L3HYPDH: variants seen among roughly 807,000 people sequenced by gnomAD.
L3HYPDH encodes the protein trans-3-hydroxy-L-proline dehydratase.
A neutral mutation model predicts 26.5 loss-of-function variants in L3HYPDH; 32 were observed. That is an observed-to-expected ratio of 1.21 (90% CI 0.91 to 1.62). The LOEUF (loss-of-function observed/expected upper bound fraction) is 1.62. L3HYPDH is among the 40% of genes most tolerant of loss of function. L3HYPDH has a pLI of 0.00. For missense variants in L3HYPDH, 554 were observed against 476.4 expected (o/e 1.16, Z -1.52); for synonymous variants, 215 against 196.6 (o/e 1.09, Z -0.78).
upstream of L3HYPDH, among the ~76,000 whole-genome samples, chr14:59,488,927 TAAGG>T (rs1208850792): frequency 6.6e-6 from 1 of 152,114 alleles, no homozygotes; most frequent in Non-Finnish European, 1.5e-5. Context: ...AAGAGAAAAA[TAAGG>T]AAGACAGCCT....
At chr14:59,481,536 TC>T (rs200968498) in intron 1 of L3HYPDH, among the ~76,000 whole-genome samples, 1 of 152,190 alleles carries the variant, frequency 6.6e-6, no homozygotes, top group African/African-American at 2.4e-5. Flanking sequence ...TAAGGGTTTT[TC>T]TTTTCTTCTA....
At chr14:59,493,158 C>T in the L3HYPDH span, among the ~76,000 whole-genome samples, 2 of 152,166 alleles carry the variant, frequency 1.3e-5, no homozygotes, top group African/African-American at 2.4e-5. Context: ...AATGAGAAAC[C>T]GATTCACAGA....
the L3HYPDH span, among the ~76,000 whole-genome samples, chr14:59,489,442 A>G: frequency 3.3e-5 from 5 of 152,186 alleles, no homozygotes; most frequent in African/African-American, 1.2e-4. Context: ...CCTTAATTCC[A>G]TGTGAGACCT....
chr14:59,485,915 CTGTT>C (rs374425503), upstream of L3HYPDH: 898 of 152,322 alleles, frequency 5.9e-3, 4 homozygotes, highest in African/African-American at 0.02. Context: ...CTCACCGAGC[CTGTT>C]TGTTTGTTTT....
chr14:59,467,154 A>G (rs1889211070), intron 1 of L3HYPDH, among the ~76,000 whole-genome samples: 1 of 114,294 alleles, frequency 8.7e-6, no homozygotes, highest in Non-Finnish European at 1.8e-5. Flanking sequence ...AAAATATGTG[A>G]GTGAAATTAT....
At chr14:59,476,904 T>C (rs1055368890) in intron 2 of L3HYPDH, among the ~76,000 whole-genome samples, 2 of 152,222 alleles carry the variant, frequency 1.3e-5, no homozygotes, top group Non-Finnish European at 2.9e-5. Context: ...GGAAGTCTAG[T>C]TCTTTAACTT....
chr14:59,474,543 C>A, intron 4 of L3HYPDH: 2 of 698,532 alleles, frequency 2.9e-6, no homozygotes, highest in Non-Finnish European at 5.2e-6. Context: ...TATAAAGCCT[C>A]ATTGACCTTT....
intron 1 of L3HYPDH, among the ~76,000 whole-genome samples, chr14:59,466,091 G>C (rs183698459): frequency 6.6e-5 from 10 of 152,210 alleles, no homozygotes; most frequent in African/African-American, 2.4e-4. Flanking sequence ...GTGCTCTGAG[G>C]AGCTAGGATA....
At chr14:59,485,407 C>G (rs150017542), upstream of L3HYPDH, 1 of 304,074 alleles carries the variant, frequency 3.3e-6, no homozygotes, top group Non-Finnish European at 6.0e-6. Flanking sequence ...TTGTTAAAAG[C>G]GAAAATATTA....
the L3HYPDH span, chr14:59,504,999 C>T: frequency 3.1e-6 from 1 of 319,362 alleles, no homozygotes; most frequent in Non-Finnish European, 5.8e-6. Flanking sequence ...GGCCTTAAGA[C>T]TCATGGTTGC....
intron 1 of L3HYPDH, chr14:59,483,455 G>A: frequency 8.8e-7 from 1 of 1,132,616 alleles, no homozygotes; most frequent in Non-Finnish European, 1.1e-6. Flanking sequence ...CTGGTACATT[G>A]GCTGTTCTTC....
chr14:59,488,131 G>A (rs907042789), upstream of L3HYPDH, among the ~76,000 whole-genome samples: 12 of 151,532 alleles, frequency 7.9e-5, no homozygotes, highest in African/African-American at 2.7e-4. Flanking sequence ...GCTATTTATT[G>A]TTATGGAACA....
At chr14:59,479,373 AAAG>A (rs771295282) in intron 1 of L3HYPDH, 22 bp from the exon 2 acceptor site, 1 of 1,601,778 alleles carries the variant, frequency 6.2e-7, no homozygotes, top group South Asian at 1.1e-5. Flanking sequence ...ATGTGTTTGG[AAAG>A]AAGATGTGTT....
intron 4 of L3HYPDH, among the ~76,000 whole-genome samples, chr14:59,474,237 C>T (rs1889467932): frequency 6.6e-6 from 1 of 152,118 alleles, no homozygotes. Context: ...GCAGGTATCC[C>T]TGAGAACCCA....
Position 59,484,230 on chromosome 14 carries a change from G to A in L3HYPDH, c.87C>T (p.Gly29=). The A allele has an allele frequency of 6.3e-7, 1 of 1,598,392 alleles. No individual in the cohort carries two copies. Among genetic ancestry groups the A allele is most frequent in the Non-Finnish European group, 8.5e-7 (1 of 1,179,706 alleles). ...CCGCCAGCACGATACGCAAGGGCTC[G>A]CCGCCCGTGTGCATGTCCACCACCG... The part of the protein sequence containing the change: ...VLSVVDMHTG[G]EPLRIVLAGC... Residue 29 remains glycine (G), a synonymous_variant, in exon 1 of 5, where the codon GGC becomes GGT. Transcript: ENST00000247194.
At chr14:59,473,162 C>T in intron 4 of L3HYPDH, 72 bp from the exon 5 acceptor site, 2 of 1,398,224 alleles carry the variant, frequency 1.4e-6, no homozygotes, top group Admixed American at 4.9e-5. Flanking sequence ...AAACTGTACT[C>T]TTGACTTTTA....
intron 1 of L3HYPDH, among the ~76,000 whole-genome samples, chr14:59,479,702 T>C (rs545634836): frequency 6.6e-6 from 1 of 152,300 alleles, no homozygotes; most frequent in Non-Finnish European, 1.5e-5. Context: ...AGAAGGAAAA[T>C]GTCTATTCCC....
At chr14:59,491,790 A>T in the L3HYPDH span, among the ~76,000 whole-genome samples, 1 of 152,218 alleles carries the variant, frequency 6.6e-6, no homozygotes, top group Non-Finnish European at 1.5e-5. Context: ...GGCAGTTGGG[A>T]TGAGAGGGTT....
Position 59,483,819 on chromosome 14 carries a change from C to G in L3HYPDH, c.498G>C (p.Val166=). The G allele has an allele frequency of 1.3e-6, 2 of 1,592,990 alleles. No homozygotes were observed. The highest frequency in any genetic ancestry group is 1.7e-4 in the Middle Eastern group (1 of 6,050). ...PVRFHSVPAF[V]LATDLMVDVP... ...GGTCCCGCCCATTACCTGTGGCCAG[C>G]ACGAAGGCCGGGACGCTGTGGAAGC... The change falls in exon 1 of 5, where the codon GTG becomes GTC. Residue 166 remains valine, a synonymous_variant. Coordinates refer to ENST00000247194, the MANE Select transcript of L3HYPDH (RefSeq NM_144581.2).
Sources: allele counts gnomAD v4.1 joint callset (sites outside exome capture counted in the v4.1 genomes callset), GRCh38; gene constraint gnomAD v4.1.1; transcripts MANE v1.5; gene names NCBI Gene and HGNC (gene_info 2026-07-23, HGNC 2026-07-21).